The following P2RY10 variants were observed in gnomAD, a reference collection of about 807,000 sequenced individuals.
P2RY10 encodes P2Y receptor family member 10, also known as putative P2Y purinoceptor 10.
P2RY10 carries 4 observed loss-of-function variants against 12.1 expected under a neutral mutation model. That is an observed-to-expected ratio of 0.33 (90% CI 0.16 to 0.76). The LOEUF (loss-of-function observed/expected upper bound fraction) is 0.76, where lower values mean the gene tolerates loss of function less well. Ranked by LOEUF, P2RY10 falls within the 30% of genes least tolerant of loss-of-function variation. The pLI is 0.61. For missense variants in P2RY10, 233 were observed against 264.6 expected (o/e 0.88, Z 0.83); for synonymous variants, 112 against 94.1 (o/e 1.19, Z -1.10).
At chrX:78,957,383 CACACAG>C (rs547760745) in intron 3 of P2RY10, among the ~76,000 whole-genome samples, 7,539 of 97,075 alleles carry the variant, frequency 0.078, 342 homozygotes, top group Middle Eastern at 0.12. Flanking sequence ...CACACACACA[CACACAG>C]AGAGAGAGAG....
At position 78,961,529 on chromosome X, in the gene P2RY10, A is replaced by G. The variant is rs746001459; in HGVS notation, c.1009A>G (p.Met337Val). 2 of 1,182,562 alleles carry G rather than the reference A, an allele frequency of 1.7e-6. No homozygotes were observed. The highest frequency in any genetic ancestry group is 1.1e-6 in the Non-Finnish European group (1 of 875,718). ...RLMSKESGSSMIG is the reference protein window; with the variant it reads ...RLMSKESGSSVIG Reference sequence around the variant, plus strand: ...CATGAGCAAGGAGAGTGGTTCATCAATGATTGGCTAAAATTAAGATATCTC... The same window carrying G: ...CATGAGCAAGGAGAGTGGTTCATCAGTGATTGGCTAAAATTAAGATATCTC... The change falls in exon 4 of 4, where the codon ATG becomes GTG. Residue 337 changes from methionine (M) to valine (V), a missense_variant. By Grantham distance (21) the Met-to-Val change is conservative. Coordinates refer to ENST00000171757, the MANE Select transcript of P2RY10 (RefSeq NM_014499.4).
chrX:78,949,621 A>G (rs1472334057), intron 2 of P2RY10, among the ~76,000 whole-genome samples: 4 of 112,437 alleles, frequency 3.6e-5, no homozygotes. Flanking sequence ...ATATTCCTGC[A>G]TGAAAGTTCA....
At position 78,960,853 on chromosome X, in the gene P2RY10, C is replaced by T. The variant is rs763783185; in HGVS notation, c.333C>T (p.Tyr111=). 15 of 1,211,006 alleles carry T rather than the reference C, an allele frequency of 1.2e-5. No homozygotes were observed. In the Admixed American group the frequency reaches 1.7e-4, roughly 14 times the overall value. ...FQRALCLLCF[Y]LKYLNMYASI... ...GAGCCCTTTGCCTGCTCTGCTTCTA[C>T]CTGAAGTATCTCAACATGTATGCCA... Residue 111 remains tyrosine (Y), a synonymous_variant, in exon 4 of 4, where the codon TAC becomes TAT. Transcript: ENST00000171757.
In P2RY10 at chrX:78,960,806, A is replaced by G. The variant is rs2147273647; in HGVS notation, c.286A>G (p.Ser96Gly). ...ACCCCTCCGGATTTACTATTACATC[A>G]GCCACCACTGGCCTTTCCAGAGAGC... ...SLPLRIYYYI[S>G]HHWPFQRALC... is the part of the protein sequence containing the mutation. The change falls in exon 4 of 4, where the codon AGC (serine) becomes GGC (glycine). Residue 96 changes from serine (S) to glycine (G), a missense_variant. Transcript: ENST00000171757. 8.3e-7 allele frequency: 1 copy of G among 1,211,385 alleles called. No individual in the cohort carries two copies. Among genetic ancestry groups the G allele is most frequent in the East Asian group, 3.0e-5 (1 of 33,842 alleles).
Position 78,962,399 on chromosome X carries a change from C to G in P2RY10, c.*859C>G. ...GAGGTTAAGCAATTTGCCTCAGGAT[C>G]AACAGTGGTTAGCCAAAATTGGTCC... On this transcript the variant is annotated 3_prime_UTR_variant, in exon 4 of 4. Transcript: ENST00000171757. Among the ~76,000 whole-genome samples the G allele has an allele frequency of 8.9e-6, 1 of 111,927 alleles. No homozygotes were observed. Among genetic ancestry groups the G allele is most frequent in the Non-Finnish European group, 1.9e-5 (1 of 53,228 alleles).
chrX:78,963,359 C>A lies in P2RY10; in HGVS notation c.*1819C>A, dbSNP rs1266588716. Among the ~76,000 whole-genome samples the A allele has an allele frequency of 3.6e-5, 4 of 112,412 alleles. No homozygotes were observed. Among genetic ancestry groups the A allele is most frequent in the East Asian group, 2.8e-4 (1 of 3,604 alleles). On this transcript the variant is annotated 3_prime_UTR_variant, in exon 4 of 4. Transcript: ENST00000171757. ...TACTTTATTAATCTGAATCTAATGGCACTTCCTTACGAGGGTTTTCAGATG... is the reference window on the plus strand; with the variant it reads ...TACTTTATTAATCTGAATCTAATGGAACTTCCTTACGAGGGTTTTCAGATG...
intron 2 of P2RY10, among the ~76,000 whole-genome samples, chrX:78,948,908 G>A (rs773800631): frequency 1.7e-4 from 19 of 111,665 alleles, no homozygotes; most frequent in Non-Finnish European, 3.0e-4. Context: ...TTGCAATTGT[G>A]ATTAGTAGGA....
chrX:78,953,151 G>T (rs894750363), intron 3 of P2RY10, among the ~76,000 whole-genome samples: 2 of 112,425 alleles, frequency 1.8e-5, no homozygotes, highest in Admixed American at 9.4e-5. Context: ...TTGCCAGGCT[G>T]GTGTAGCAGG....
At chrX:78,960,469 T>C (rs746984669) in intron 3 of P2RY10, 39 bp from the exon 4 acceptor site, 77 of 1,056,950 alleles carry the variant, frequency 7.3e-5, no homozygotes, top group East Asian at 3.1e-5. Flanking sequence ...AAAGAACTAA[T>C]TAACCATTTT....
intron 3 of P2RY10, among the ~76,000 whole-genome samples, chrX:78,958,098 T>C (rs369156270): frequency 8.9e-6 from 1 of 111,938 alleles, no homozygotes; most frequent in Non-Finnish European, 1.9e-5. Flanking sequence ...TCAAAGTAGG[T>C]GGTAGGGTGG....
Position 78,961,297 on chromosome X carries a change from T to C in P2RY10, c.777T>C (p.Tyr259=), listed in dbSNP as rs1922606470. 6 of 1,209,080 alleles carry C rather than the reference T, an allele frequency of 5.0e-6. No homozygotes were observed. Among genetic ancestry groups the C allele is most frequent in the Non-Finnish European group, 6.7e-6 (6 of 893,359 alleles). Residue 259 remains tyrosine, a synonymous_variant, in exon 4 of 4, where the codon TAT becomes TAC. Coordinates refer to ENST00000171757, the MANE Select transcript of P2RY10 (RefSeq NM_014499.4). ...AAVFFICFTP[Y]HINFIFYTMV... is the part of the protein sequence containing the mutation. The stretch of plus-strand genomic sequence containing the variant: ...TCTTCTTCATCTGCTTCACTCCCTA[T>C]CATATTAACTTTATTTTTTACACCA...
chrX:78,960,974 A>G lies in P2RY10; in HGVS notation c.454A>G (p.Ile152Val), dbSNP rs1347171538. ...RDWKRRYDVG[I>V]SAAIWIVVGT... Reference sequence around the variant, plus strand: ...CTGGAAGCGTAGGTACGATGTGGGCATCAGTGCTGCCATCTGGATCGTTGT... The same window carrying G: ...CTGGAAGCGTAGGTACGATGTGGGCGTCAGTGCTGCCATCTGGATCGTTGT... The change falls in exon 4 of 4, where the codon ATC becomes GTC. Residue 152 changes from isoleucine to valine, a missense_variant. By Grantham distance (29) the Ile-to-Val change is conservative (BLOSUM62 3). Transcript: ENST00000171757. 1 of 1,211,811 alleles carries G rather than the reference A, an allele frequency of 8.3e-7. No homozygotes were observed. The highest frequency in any genetic ancestry group is 1.7e-5 in the African/African-American group (1 of 57,877).
rs1247315388 is a variant in P2RY10 at position 78,962,955 on chromosome X, G to A, written c.*1415G>A. 8.9e-6 allele frequency among the ~76,000 whole-genome samples: 1 copy of A among 112,244 alleles called. No homozygotes were observed. The highest frequency in any genetic ancestry group is 1.9e-5 in the Non-Finnish European group (1 of 53,220). On this transcript the variant is annotated 3_prime_UTR_variant, in exon 4 of 4. Coordinates refer to ENST00000171757, the MANE Select transcript of P2RY10 (RefSeq NM_014499.4). ...ATTGACAATATCTGCATTAGAAACA[G>A]AAAGTATTATCCATCATAAATATGA...
chrX:78,963,604 A>G lies in P2RY10; in HGVS notation c.*2064A>G, dbSNP rs1486583809. ...GGATTTATGGAATAGTTGGCAAATTAAACAACATGCTTTTTATTTTGACTA... is the reference window on the plus strand; with the variant it reads ...GGATTTATGGAATAGTTGGCAAATTGAACAACATGCTTTTTATTTTGACTA... On this transcript the variant is annotated 3_prime_UTR_variant, in exon 4 of 4. Coordinates refer to ENST00000171757, the MANE Select transcript of P2RY10 (RefSeq NM_014499.4). Among the ~76,000 whole-genome samples, 1 of 112,842 alleles carries G rather than the reference A, an allele frequency of 8.9e-6. No homozygotes were observed. The highest frequency in any genetic ancestry group is 3.2e-5 in the African/African-American group (1 of 31,097).
In P2RY10 at chrX:78,963,020, AT is replaced by A. The variant is rs1325640032; in HGVS notation, c.*1487del. 8.9e-6 allele frequency among the ~76,000 whole-genome samples: 1 copy of A among 111,945 alleles called. No homozygotes were observed. The highest frequency in any genetic ancestry group is 3.2e-5 in the African/African-American group (1 of 30,841). On this transcript the variant is annotated 3_prime_UTR_variant, in exon 4 of 4. Transcript: ENST00000171757. ...CTCTTTCTGACAATCTTTTTATCTTATTTTTTTCAAACGTTGTGGTTGTTGT... is the reference window on the plus strand; with the variant it reads ...CTCTTTCTGACAATCTTTTTATCTTATTTTTTCAAACGTTGTGGTTGTTGT...
intron 2 of P2RY10, among the ~76,000 whole-genome samples, chrX:78,950,252 ATATTAGTTAGGAG>A (rs1922046885): frequency 9.0e-6 from 1 of 111,252 alleles, no homozygotes; most frequent in Non-Finnish European, 1.9e-5. Flanking sequence ...AATGGTGATG[ATATTAGTTAGGAG>A]CAGGGTTCAG....
chrX:78,952,131 A>G (rs1048272084), intron 2 of P2RY10, 62 bp from the exon 3 acceptor site: 1 of 551,201 alleles, frequency 1.8e-6, no homozygotes, highest in African/African-American at 2.5e-5. Flanking sequence ...TTAGAGACAC[A>G]CTTTGTAAGT....
intron 3 of P2RY10, among the ~76,000 whole-genome samples, chrX:78,956,815 GA>G (rs764019285): frequency 1.8e-5 from 2 of 111,535 alleles, no homozygotes; most frequent in East Asian, 5.6e-4. Context: ...ATAATCACAG[GA>G]CTCCTGTGAG....
intron 3 of P2RY10, 62 bp downstream of exon 3, chrX:78,952,397 C>T: frequency 1.5e-6 from 1 of 649,091 alleles, no homozygotes; most frequent in Non-Finnish European, 1.8e-6. Context: ...CTATTCTCAC[C>T]TCTTTCTGGG....
Sources: allele counts gnomAD v4.1 joint callset (sites outside exome capture counted in the v4.1 genomes callset), GRCh38; gene constraint gnomAD v4.1.1; transcripts MANE v1.5; gene names NCBI Gene and HGNC (gene_info 2026-07-23, HGNC 2026-07-21).